The following EP400 variants were observed in gnomAD, a reference collection of about 807,000 sequenced individuals.
EP400 encodes the protein E1A binding protein p400.
In EP400, 105 loss-of-function variants were observed where a neutral mutation model predicts 354.1. The observed-to-expected ratio is 0.30, with a 90% CI of 0.25 to 0.35. EP400 has a LOEUF of 0.35. Ranked by LOEUF, EP400 falls within the 10% of genes least tolerant of loss-of-function variation. The probability of loss-of-function intolerance (pLI) is 1.00; values close to 1 mark genes in which losing one functional copy is unlikely to be tolerated. For synonymous variants in EP400, 1,646 were observed against 1,716.9 expected (o/e 0.96, Z 1.02); for missense variants, 3,280 against 4,121.0 (o/e 0.80, Z 5.59).
intron 1 of EP400, among the ~76,000 whole-genome samples, chr12:131,952,241 T>C (rs1194381831): frequency 3.5e-5 from 5 of 140,860 alleles, no homozygotes; most frequent in Non-Finnish European, 7.5e-5. Flanking sequence ...AGGCGGAGCT[T>C]GCAGTGAGCG....
At position 132,064,844 on chromosome 12, in the gene EP400, G is replaced by A. The variant is rs143878257; in HGVS notation, c.8511G>A (p.Leu2837=). Residue 2837 remains leucine, a synonymous_variant, in exon 48 of 53, where the codon CTG becomes CTA. Transcript: ENST00000389561. ...TTVTAPRPGA[L]LTGTTVANLQ... ...TCACGGCCCCAAGGCCTGGTGCCCT[G>A]CTGACGGGCACCACCGTGGCCAACC... The A allele has an allele frequency of 2.0e-5, 32 of 1,611,748 alleles. No homozygotes were observed. The African/African-American group carries it at 4.0e-4, about 20-fold the overall frequency.
chr12:132,072,106 C>T (rs1290758035), intron 51 of EP400, among the ~76,000 whole-genome samples: 2 of 152,202 alleles, frequency 1.3e-5, no homozygotes, highest in Non-Finnish European at 2.9e-5. Context: ...AGCTCAGCCT[C>T]GTTCGTGCGC....
chr12:132,065,130 G>C (rs551153327), intron 48 of EP400: 1 of 698,512 alleles, frequency 1.4e-6, no homozygotes, highest in Non-Finnish European at 2.3e-6. Context: ...AATTGAGGGG[G>C]GTGGAGAGTG....
At position 132,031,983 on chromosome 12, in the gene EP400, C is replaced by A. The variant is rs779222015; in HGVS notation, c.5785C>A (p.Arg1929=). ...GATGAGGAGTTTCAACAGAGACAGG[C>A]GGATTTTTTGTGCCATTCTCTCCAC... is the stretch of plus-strand genomic sequence containing the variant. The part of the protein sequence containing the change: ...ELMRSFNRDR[R]IFCAILSTHS... The change falls in exon 30 of 53, where the codon CGG becomes AGG. Residue 1929 remains arginine (R), a synonymous_variant. Transcript: ENST00000389561. 5.0e-6 allele frequency: 8 copies of A among 1,612,974 alleles called. No individual in the cohort carries two copies. Among genetic ancestry groups the A allele is most frequent in the Non-Finnish European group, 5.9e-6 (7 of 1,179,212 alleles).
chr12:132,026,668 C>T (rs916957156), intron 25 of EP400, among the ~76,000 whole-genome samples: 4 of 152,138 alleles, frequency 2.6e-5, no homozygotes, highest in East Asian at 1.9e-4. Context: ...GTCACTGTCC[C>T]GTGGAAGCCC....
In EP400 at chr12:132,028,099, A is replaced by G. The variant is rs776364181; in HGVS notation, c.5192A>G (p.Tyr1731Cys). The change falls in exon 27 of 53, where the codon TAT (tyrosine) becomes TGT (cysteine). Residue 1731 changes from tyrosine to cysteine, a missense_variant. Transcript: ENST00000389561. ...CGGCGCTGTTCTCAAGCTCCAGTCT[A>G]TGGCAGAGACTTGCTAAGGATTTGT... ...NERRCSQAPV[Y>C]GRDLLRICAL... is the part of the protein sequence containing the mutation. 10 of 1,614,210 alleles carry G rather than the reference A, an allele frequency of 6.2e-6. No homozygotes were observed. The highest frequency in any genetic ancestry group is 5.0e-5 in the Admixed American group (3 of 60,024).
intron 1 of EP400, among the ~76,000 whole-genome samples, chr12:131,954,077 C>T (rs1212369933): frequency 2.0e-5 from 3 of 152,238 alleles, no homozygotes; most frequent in South Asian, 4.2e-4. Context: ...TGCGCCGCAG[C>T]ACTCGAGTTT....
chr12:132,060,183 A>G (rs960320659), intron 45 of EP400, among the ~76,000 whole-genome samples: 2 of 152,194 alleles, frequency 1.3e-5, no homozygotes, highest in African/African-American at 4.8e-5. Context: ...GAATGGGCTT[A>G]ATATCACACA....
chr12:132,069,201 G>T, intron 50 of EP400: 1 of 375,792 alleles, frequency 2.7e-6, no homozygotes. Context: ...GGGTGTCAGG[G>T]TGCCCCACCA....
chr12:131,990,163 A>C lies in EP400; in HGVS notation c.2550+59A>C, dbSNP rs1892984794. ...TCAGTCTGTCGGAGCTGGTGAGGCC[A>C]CTTCCCGAGACCAGAGCTCGGGCAC... is the stretch of plus-strand genomic sequence containing the variant. On this transcript the variant is annotated intron_variant, in intron 8 of 52. Transcript: ENST00000389561. The surrounding 1 kb of genome is among the most constrained non-coding windows in gnomAD (Gnocchi z 4.2). 6.5e-7 allele frequency: 1 copy of C among 1,547,518 alleles called. No homozygotes were observed. Among genetic ancestry groups the C allele is most frequent in the African/African-American group, 1.4e-5 (1 of 71,890 alleles).
At position 132,045,420 on chromosome 12, in the gene EP400, G is replaced by A. The variant is rs1895059686; in HGVS notation, c.6886G>A (p.Gly2296Ser). Reference sequence around the variant, plus strand: ...AGGACTTCTGAAAATTCGCAGAGAGGGCAAGGAGCAGAAGAAGAATATTCT... The same window carrying A: ...AGGACTTCTGAAAATTCGCAGAGAGAGCAAGGAGCAGAAGAAGAATATTCT... ...TPGLLKIRRE[G>S]KEQKKNILLK... Residue 2296 changes from glycine to serine, a missense_variant, in exon 38 of 53, where the codon GGC becomes AGC. Physicochemically the swap from Gly to Ser is moderately conservative, Grantham distance 56. Around this residue, in one of 20 missense-constraint regions of EP400, gnomAD observed 231 missense variants for 257.9 expected, o/e 0.90. Coordinates refer to ENST00000389561, the MANE Select transcript of EP400 (RefSeq NM_015409.5). 1.2e-6 allele frequency: 2 copies of A among 1,614,242 alleles called. No individual in the cohort carries two copies. The highest frequency in any genetic ancestry group is 1.7e-6 in the Non-Finnish European group (2 of 1,180,040).
chr12:131,980,038 C>T (rs1406495870), intron 3 of EP400, among the ~76,000 whole-genome samples: 1 of 152,206 alleles, frequency 6.6e-6, no homozygotes, highest in African/African-American at 2.4e-5. Flanking sequence ...CATTTGTAGG[C>T]TCTTGAGTCA....
At position 132,044,943 on chromosome 12, in the gene EP400, A is replaced by G; in HGVS notation, c.6774A>G (p.Thr2258=). ...YVRKERKRHK[T]DPSAAGRKKK... is the part of the protein sequence containing the mutation. The stretch of plus-strand genomic sequence containing the variant: ...GGAAGGAGCGGAAGCGACACAAAAC[A>G]GACCCCTCAGGTGCGCATCCCGAGG... Residue 2258 remains threonine (T), a synonymous_variant, in exon 37 of 53, where the codon ACA becomes ACG. Coordinates refer to ENST00000389561, the MANE Select transcript of EP400 (RefSeq NM_015409.5). 1 of 1,614,098 alleles carries G rather than the reference A, an allele frequency of 6.2e-7. No homozygotes were observed. The highest frequency in any genetic ancestry group is 8.5e-7 in the Non-Finnish European group (1 of 1,180,026).
At chr12:131,970,954 A>C (rs920030136) in intron 2 of EP400, among the ~76,000 whole-genome samples, 4 of 152,190 alleles carry the variant, frequency 2.6e-5, no homozygotes, top group Non-Finnish European at 5.9e-5. Context: ...CTGCAGTCCC[A>C]GCACTTGGAG....
At chr12:132,003,662 C>T (rs1373636864) in intron 12 of EP400, among the ~76,000 whole-genome samples, 1 of 152,106 alleles carries the variant, frequency 6.6e-6, no homozygotes, top group Non-Finnish European at 1.5e-5. Context: ...GCATCATATG[C>T]TGTAGTGGTG....
At chr12:132,014,322 G>A (rs1210054032) in intron 19 of EP400, among the ~76,000 whole-genome samples, 1 of 152,242 alleles carries the variant, frequency 6.6e-6, no homozygotes, top group Non-Finnish European at 1.5e-5. Flanking sequence ...TGGCACGCTG[G>A]TGTCTGTGGC....
intron 52 of EP400, 124 bp from the exon 53 acceptor site, chr12:132,077,277 T>C: frequency 1.6e-6 from 2 of 1,239,190 alleles, no homozygotes; most frequent in Non-Finnish European, 2.2e-6. Flanking sequence ...TGGTCATTCT[T>C]CCGTGTCATA....
chr12:132,049,172 C>T (rs572958940), intron 39 of EP400, among the ~76,000 whole-genome samples: 1 of 152,354 alleles, frequency 6.6e-6, no homozygotes, highest in South Asian at 2.1e-4. Context: ...CTCCAGCAAG[C>T]CATGCGGGGC....
intron 13 of EP400, among the ~76,000 whole-genome samples, chr12:132,005,745 G>T (rs1893559561): frequency 6.6e-6 from 1 of 152,126 alleles, no homozygotes; most frequent in Non-Finnish European, 1.5e-5. Context: ...TTGGGAAAGG[G>T]TTCTGCTTTT....
Sources: allele counts gnomAD v4.1 joint callset (sites outside exome capture counted in the v4.1 genomes callset), GRCh38; gene constraint gnomAD v4.1.1; regional missense constraint gnomAD v4.1.1; non-coding constraint Gnocchi (gnomAD v3.1); transcripts MANE v1.5; gene names NCBI Gene and HGNC (gene_info 2026-07-23, HGNC 2026-07-21).